The following HOPX variants were observed in gnomAD, a reference collection of about 807,000 sequenced individuals.
The protein encoded by HOPX is homeodomain-only protein.
A neutral mutation model predicts 11.8 loss-of-function variants in HOPX; 5 were observed. The observed-to-expected ratio is 0.43, with a 90% CI of 0.22 to 0.89. The LOEUF is 0.89. Among genes scored for constraint, HOPX ranks in the 40% least tolerant of loss-of-function variants. The pLI, the probability that HOPX is intolerant of heterozygous loss-of-function variation, is 0.28. For synonymous variants in HOPX, 49 were observed against 49.7 expected (o/e 0.99, Z 0.06); for missense variants, 119 against 120.0 (o/e 0.99, Z 0.04).
intron 1 of HOPX, 78 bp downstream of exon 1, chr4:56,681,177 G>T (rs1173416798): frequency 1.0e-6 from 1 of 967,366 alleles, no homozygotes; most frequent in Non-Finnish European, 1.2e-6. Context: ...AGCAAATACG[G>T]TAACGATAGC....
At chr4:56,678,032 C>T (rs1381763654) in intron 1 of HOPX, among the ~76,000 whole-genome samples, 4 of 151,672 alleles carry the variant, frequency 2.6e-5, no homozygotes, top group Non-Finnish European at 4.4e-5. Flanking sequence ...TAGCACAATC[C>T]TTTAATAATG....
At chr4:56,648,829 C>T in intron 3 of HOPX, 32 bp from the exon 4 acceptor site, 1 of 1,556,608 alleles carries the variant, frequency 6.4e-7, no homozygotes, top group Non-Finnish European at 8.8e-7. Flanking sequence ...AAATATTTGT[C>T]ACATACAGAA....
chr4:56,673,321 A>G (rs1393131435), intron 1 of HOPX, among the ~76,000 whole-genome samples: 1 of 152,174 alleles, frequency 6.6e-6, no homozygotes, highest in East Asian at 1.9e-4. Flanking sequence ...ATGGAATGAG[A>G]TATAAAACCT....
In HOPX at chr4:56,675,219, C is replaced by T. The variant is rs148494344; in HGVS notation, c.-84+6036G>A. Among the ~76,000 whole-genome samples the T allele has an allele frequency of 5.3e-5, 8 of 151,580 alleles. No individual in the cohort carries two copies. In the East Asian group the frequency reaches 9.7e-4, roughly 18 times the overall value. ...TGCTTCCCACAGGAACCCTGAGTCA[C>T]GGGGAGAGTAAATGACTTGGCACAG... is the stretch of plus-strand genomic sequence containing the variant. On this transcript the variant is annotated intron_variant, in intron 1 of 3. Coordinates refer to ENST00000420433, the MANE Select transcript of HOPX (RefSeq NM_032495.6).
rs1358560624 is a variant in HOPX at position 56,650,146 on chromosome 4, T to A, written c.199-1349A>T. The stretch of plus-strand genomic sequence containing the variant: ...AACAGGAAGCTCTAGAGTAACTAAT[T>A]GGCTATGAGAACTTGAGGAAGTCCC... On this transcript the variant is annotated intron_variant, in intron 3 of 3. Coordinates refer to ENST00000420433, the MANE Select transcript of HOPX (RefSeq NM_032495.6). The A allele has an allele frequency of 1.9e-5, 3 of 155,358 alleles. No homozygotes were observed. The Admixed American group carries it at 1.9e-4, about 10-fold the overall frequency. The allele number at this position is 155,358 out of a possible 1,614,324, so 9.6% of individuals were successfully genotyped here.
intron 1 of HOPX, among the ~76,000 whole-genome samples, chr4:56,674,436 A>G (rs1718896770): frequency 6.6e-6 from 1 of 151,698 alleles, no homozygotes; most frequent in Non-Finnish European, 1.5e-5. Flanking sequence ...CGACTAGACT[A>G]TCTAAGCAGA....
chr4:56,656,178 T>TA (rs1323424209), intron 2 of HOPX, 166 bp from the exon 3 acceptor site: 5 of 1,112,808 alleles, frequency 4.5e-6, no homozygotes, highest in Non-Finnish European at 5.7e-6. Flanking sequence ...AGCGGGGGCT[T>TA]ACGGCTGCCC....
chr4:56,652,529 T>C (rs980885768), intron 3 of HOPX, among the ~76,000 whole-genome samples: 1 of 152,088 alleles, frequency 6.6e-6, no homozygotes, highest in South Asian at 2.1e-4. Context: ...TAGGGGAGGC[T>C]GGCTGCGATG....
intron 1 of HOPX, 42 bp downstream of exon 1, chr4:56,681,213 T>G: frequency 1.0e-6 from 1 of 982,924 alleles, no homozygotes; most frequent in Non-Finnish European, 1.2e-6. Flanking sequence ...CTGCACAAAC[T>G]CATTCCTCTG....
chr4:56,672,329 A>C (rs1440306768), intron 1 of HOPX, among the ~76,000 whole-genome samples: 8 of 151,872 alleles, frequency 5.3e-5, no homozygotes, highest in South Asian at 4.2e-4. Flanking sequence ...ACTTGAAGCC[A>C]GGAGTTCCAG....
intron 1 of HOPX, among the ~76,000 whole-genome samples, chr4:56,673,420 T>C (rs969491332): frequency 2.0e-5 from 3 of 152,138 alleles, no homozygotes; most frequent in Admixed American, 2.0e-4. Context: ...CTTTAAAAAA[T>C]AAAAGATTGG....
chr4:56,668,752 A>T (rs111671825), intron 1 of HOPX, among the ~76,000 whole-genome samples: 230 of 152,316 alleles, frequency 1.5e-3, no homozygotes, highest in African/African-American at 5.4e-3. Context: ...ATATGTAGGA[A>T]ATACACTTTA....
At chr4:56,655,761 G>T in intron 3 of HOPX, 96 bp downstream of exon 3, 1 of 1,394,038 alleles carries the variant, frequency 7.2e-7, no homozygotes, top group Non-Finnish European at 9.8e-7. Flanking sequence ...GGGGAGGGCA[G>T]CCCGGCGGGA....
intron 3 of HOPX, chr4:56,650,776 G>C: frequency 6.4e-7 from 1 of 1,550,804 alleles, no homozygotes; most frequent in Non-Finnish European, 8.7e-7. Flanking sequence ...CTACTTTCTG[G>C]GTGCCATATT....
At chr4:56,674,132 G>A (rs1718880900) in intron 1 of HOPX, among the ~76,000 whole-genome samples, 1 of 151,650 alleles carries the variant, frequency 6.6e-6, no homozygotes, top group Admixed American at 6.5e-5. Context: ...GTGGCCTCCT[G>A]CTTTCTTCCC....
chr4:56,680,919 T>C (rs1381678481), intron 1 of HOPX: 1 of 433,472 alleles, frequency 2.3e-6, no homozygotes, highest in Non-Finnish European at 3.1e-6. Context: ...AATGAGAAAA[T>C]CATAGGCATC....
At chr4:56,673,507 C>T (rs909216738) in intron 1 of HOPX, among the ~76,000 whole-genome samples, 1 of 152,088 alleles carries the variant, frequency 6.6e-6, no homozygotes, top group Non-Finnish European at 1.5e-5. Flanking sequence ...GAGGGGAGTA[C>T]TTCATGGCTT....
At position 56,655,932 on chromosome 4, in the gene HOPX, C is replaced by T. The variant is rs1051296639; in HGVS notation, c.123G>A (p.Lys41=). 2.5e-6 allele frequency: 4 copies of T among 1,611,902 alleles called. No homozygotes were observed. The highest frequency in any genetic ancestry group is 3.4e-6 in the Non-Finnish European group (4 of 1,179,102). The change falls in exon 3 of 4, where the codon AAG becomes AAA. Residue 41 remains lysine (K), a synonymous_variant. Coordinates refer to ENST00000420433, the MANE Select transcript of HOPX (RefSeq NM_032495.6). Reference sequence around the variant, plus strand: ...TGGTGGAATCCGGGTGCTTGTCGACCTTGTTGAAGTTGTACTCCAGGATTT... The same window carrying T: ...TGGTGGAATCCGGGTGCTTGTCGACTTTGTTGAAGTTGTACTCCAGGATTT... The part of the protein sequence containing the change: ...QVEILEYNFN[K]VDKHPDSTTL...
At chr4:56,651,869 AGAGAGT>A (rs1427620032) in intron 3 of HOPX, among the ~76,000 whole-genome samples, 1,748 of 121,504 alleles carry the variant, frequency 0.014, 31 homozygotes, top group African/African-American at 0.051. Context: ...AGAGAGAGAG[AGAGAGT>A]GTGTGTGTGT....
Sources: allele counts gnomAD v4.1 joint callset (sites outside exome capture counted in the v4.1 genomes callset), GRCh38; gene constraint gnomAD v4.1.1; transcripts MANE v1.5; gene names NCBI Gene and HGNC (gene_info 2026-07-23, HGNC 2026-07-21).